The following FCHO2 variants were observed in gnomAD, a reference collection of about 807,000 sequenced individuals.
FCHO2 encodes the protein FCH and mu domain containing endocytic adaptor 2, also known as F-BAR domain only protein 2.
FCHO2 carries 43 observed loss-of-function variants against 114.1 expected under a neutral mutation model. The ratio of observed to expected loss-of-function variants is 0.38; its 90% CI spans 0.30 to 0.49. The LOEUF (loss-of-function observed/expected upper bound fraction) is 0.49, where lower values mean the gene tolerates loss of function less well. Ranked by LOEUF, FCHO2 falls within the 20% of genes least tolerant of loss-of-function variation. The pLI is 0.97. For synonymous variants in FCHO2, 293 were observed against 315.2 expected (o/e 0.93, Z 0.75); for missense variants, 807 against 950.4 (o/e 0.85, Z 1.98).
intron 2 of FCHO2, among the ~76,000 whole-genome samples, chr5:72,985,080 C>G (rs886300916): frequency 6.6e-6 from 1 of 152,090 alleles, no homozygotes; most frequent in Non-Finnish European, 1.5e-5. Context: ...ATTGCATATG[C>G]ATAGTTTATT....
chr5:73,074,883 G>A (rs927013419), intron 20 of FCHO2, 30 bp downstream of exon 20: 4 of 1,548,704 alleles, frequency 2.6e-6, no homozygotes, highest in Admixed American at 1.8e-5. Context: ...GCATGTATGT[G>A]TATGTATGTG....
At chr5:73,013,527 G>A (rs1199872837) in intron 6 of FCHO2, among the ~76,000 whole-genome samples, 1 of 152,190 alleles carries the variant, frequency 6.6e-6, no homozygotes, top group African/African-American at 2.4e-5. Context: ...CCCAAAGCCT[G>A]TTTTGAGGAC....
At chr5:73,084,183 G>T (rs1014513824) in intron 24 of FCHO2, among the ~76,000 whole-genome samples, 1 of 152,158 alleles carries the variant, frequency 6.6e-6, no homozygotes, top group Admixed American at 6.5e-5. Flanking sequence ...AATCAAAAGA[G>T]AATTCTTCTG....
chr5:73,062,153 A>G (rs575008478), intron 17 of FCHO2, among the ~76,000 whole-genome samples: 1 of 152,228 alleles, frequency 6.6e-6, no homozygotes, highest in South Asian at 2.1e-4. Flanking sequence ...CCAGCAAAAA[A>G]TAAAACACAG....
rs1263366575 is a variant in FCHO2, at chr5:72,982,935, A to T, written c.126-6492A>T. Among the ~76,000 whole-genome samples, 7 of 96,754 alleles carry T rather than the reference A, an allele frequency of 7.2e-5. No individual in the cohort carries two copies. In the South Asian group the frequency reaches 1.1e-3, roughly 15 times the overall value. The allele number at this position is 96,754 out of a possible 152,430, so 63.5% of individuals were successfully genotyped here. A position where few individuals can be genotyped will look rare whatever the true frequency, so the allele number is the denominator to read the frequency against. ...TGCATTTGTTCCTTTTTTTTTTCAG[A>T]CAGAGTATCTCTCTGTCGCCGAGGC... On this transcript the variant is annotated intron_variant, in intron 2 of 25. Transcript: ENST00000430046.
chr5:73,068,831 A>T, intron 19 of FCHO2, 52 bp downstream of exon 19: 1 of 1,532,354 alleles, frequency 6.5e-7, no homozygotes, highest in East Asian at 2.4e-5. Flanking sequence ...AAGTATATGT[A>T]TGCTAAATAT....
At chr5:73,070,791 T>G (rs1040625472) in intron 19 of FCHO2, among the ~76,000 whole-genome samples, 7 of 152,036 alleles carry the variant, frequency 4.6e-5, no homozygotes, top group African/African-American at 1.7e-4. Flanking sequence ...TTCTCTTTCT[T>G]TGCCATGATT....
intron 8 of FCHO2, 28 bp from the exon 9 acceptor site, chr5:73,034,629 A>G (rs754525439): frequency 7.7e-6 from 12 of 1,565,616 alleles, no homozygotes; most frequent in Non-Finnish European, 7.8e-6. Context: ...TTTTTCTACT[A>G]GAAGTTTTTC....
chr5:73,076,813 G>A (rs2112889222), intron 20 of FCHO2, among the ~76,000 whole-genome samples: 1 of 152,238 alleles, frequency 6.6e-6, no homozygotes, highest in South Asian at 2.1e-4. Context: ...ACCAAAAGAA[G>A]AATAAATAGA....
chr5:73,087,675 A>C lies in FCHO2; in HGVS notation c.2332A>C (p.Ser778Arg), dbSNP rs373822609. The part of the protein sequence containing the change: ...TLAVQFLSEG[S>R]TLSGVDFELV... ...TGCAGTACAATTCCTCAGCGAGGGA[A>C]GTACCCTTTCAGGAGTAGATTTCGA... Residue 778 changes from serine to arginine, a missense_variant, in exon 25 of 26, where the codon AGT becomes CGT. Coordinates refer to ENST00000430046, the MANE Select transcript of FCHO2 (RefSeq NM_138782.3). 4.5e-5 allele frequency: 72 copies of C among 1,613,766 alleles called. No homozygotes were observed. The African/African-American group carries it at 7.2e-4, about 16-fold the overall frequency.
intron 22 of FCHO2, among the ~76,000 whole-genome samples, chr5:73,079,313 A>G (rs1430022980): frequency 2.6e-5 from 4 of 152,194 alleles, no homozygotes; most frequent in African/African-American, 9.6e-5. Context: ...CTTTAATGGG[A>G]AAGCTTAGTA....
intron 2 of FCHO2, among the ~76,000 whole-genome samples, chr5:72,986,196 A>G (rs1753511998): frequency 6.6e-6 from 1 of 151,792 alleles, no homozygotes. Flanking sequence ...CCATCCAAGG[A>G]GATATTAATT....
chr5:72,963,215 A>G (rs1751972293), intron 1 of FCHO2, among the ~76,000 whole-genome samples: 1 of 152,180 alleles, frequency 6.6e-6, no homozygotes, highest in South Asian at 2.1e-4. Context: ...TGGAAAGTAT[A>G]ATATAAGTAA....
intron 1 of FCHO2, among the ~76,000 whole-genome samples, chr5:72,961,532 G>A (rs998182382): frequency 2.6e-5 from 4 of 151,908 alleles, no homozygotes; most frequent in African/African-American, 7.3e-5. Flanking sequence ...GTATAAGAGG[G>A]AGTAAATCTT....
Position 73,034,720 on chromosome 5 carries a change from A to G in FCHO2, c.841+19A>G, listed in dbSNP as rs1314366430. 1 of 1,574,492 alleles carries G rather than the reference A, an allele frequency of 6.4e-7. No individual in the cohort carries two copies. The highest frequency in any genetic ancestry group is 1.9e-5 in the Admixed American group (1 of 52,778). ...GTTGAAGGTAAGTTGATTAGTTATA[A>G]TATGTTAATGCACATGGCAGCTAGC... On this transcript the variant is annotated intron_variant, in intron 9 of 25. Transcript: ENST00000430046.
chr5:73,021,393 T>C, intron 8 of FCHO2: 1 of 308,008 alleles, frequency 3.2e-6, no homozygotes, highest in Non-Finnish European at 6.4e-6. Context: ...GTCTTAACTT[T>C]CTTTTACTCC....
rs1160013721 is a variant in FCHO2, at chr5:73,049,869, C to CAT, written c.940-1472_940-1471dup. On this transcript the variant is annotated intron_variant, in intron 11 of 25. Transcript: ENST00000430046. ...GTGTCTGTGTGTATACACACATATACATATATATACACATAGATATATACA... is the reference window on the plus strand; with the variant it reads ...GTGTCTGTGTGTATACACACATATACATATATATATACACATAGATATATACA... Among the ~76,000 whole-genome samples, 4 of 152,116 alleles carry CAT rather than the reference C, an allele frequency of 2.6e-5. No individual in the cohort carries two copies. In the East Asian group the frequency reaches 5.8e-4, roughly 22 times the overall value.
chr5:73,013,709 C>T (rs1273363282), intron 6 of FCHO2, among the ~76,000 whole-genome samples: 1 of 152,096 alleles, frequency 6.6e-6, no homozygotes, highest in African/African-American at 2.4e-5. Flanking sequence ...ACTCTGTCGC[C>T]CAGGCTGGAG....
At chr5:72,998,215 C>A (rs546961032) in intron 5 of FCHO2, among the ~76,000 whole-genome samples, 2 of 152,012 alleles carry the variant, frequency 1.3e-5, no homozygotes, top group African/African-American at 4.8e-5. Context: ...TGGTCAGGCG[C>A]GGTGGCTCAC....
Sources: gnomAD v4.1 joint callset for allele counts (sites outside exome capture counted in the v4.1 genomes callset) on GRCh38, gnomAD v4.1.1 for gene constraint, MANE v1.5 for transcripts, NCBI Gene and HGNC (gene_info 2026-07-23, HGNC 2026-07-21) for gene names.